The following ZFAND2B variants were observed in gnomAD, a reference collection of about 807,000 sequenced individuals.
The protein encoded by ZFAND2B is zinc finger AN1-type containing 2B, also known as AN1-type zinc finger protein 2B.
ZFAND2B carries 27 observed loss-of-function variants against 38.2 expected under a neutral mutation model. The observed-to-expected ratio is 0.71, with a 90% CI of 0.52 to 0.97. The LOEUF (loss-of-function observed/expected upper bound fraction) is 0.97, where lower values mean the gene tolerates loss of function less well. Ranked by LOEUF, ZFAND2B falls within the 50% of genes least tolerant of loss-of-function variation. The pLI, the probability that ZFAND2B is intolerant of heterozygous loss-of-function variation, is 0.00. For missense variants in ZFAND2B, 303 were observed against 331.5 expected, an observed-to-expected ratio of 0.91 and a Z score of 0.67; for synonymous variants, 111 against 119.4, an observed-to-expected ratio of 0.93 and a Z score of 0.46.
rs775899456 is a variant in ZFAND2B at position 219,207,959 on chromosome 2, A to T, written c.355A>T (p.Ser119Cys). ...EMMKLTCERC[S>C]RNFCIKHRHP... ...GATGAAACTGACCTGTGAACGCTGT[A>T]GCCGAAACTTCTGCATCAAGCACCG... Residue 119 changes from serine (S) to cysteine (C), a missense_variant, in exon 4 of 9, where the codon AGC becomes TGC. Transcript: ENST00000289528. 81 of 1,614,062 alleles carry T rather than the reference A, an allele frequency of 5.0e-5. No individual in the cohort carries two copies. The Middle Eastern group carries it at 8.2e-4, about 16-fold the overall frequency.
chr2:219,206,867 A>G lies in ZFAND2B; in HGVS notation c.-121A>G. 1 of 1,067,904 alleles carries G rather than the reference A, an allele frequency of 9.4e-7. No homozygotes were observed. Among genetic ancestry groups the G allele is most frequent in the Non-Finnish European group, 1.3e-6 (1 of 758,314 alleles). 66.2% of individuals were successfully genotyped at this position (1,067,904 alleles called of 1,614,324 possible). A position where few individuals can be genotyped will look rare whatever the true frequency, so the allele number is the denominator to read the frequency against. ...TCCGGTAACCCGGGCTGGGCGGGGG[A>G]GAGGAAGGGGCGGGGCAGGGAGCCC... On this transcript the variant is annotated 5_prime_UTR_variant, in exon 1 of 9. Transcript: ENST00000289528.
intron 7 of ZFAND2B, 152 bp from the exon 8 acceptor site, chr2:219,208,824 CG>C: frequency 1.9e-6 from 2 of 1,030,972 alleles, no homozygotes; most frequent in East Asian, 2.4e-5. Flanking sequence ...CTCTATAAAA[CG>C]GGGACAATAC....
chr2:219,206,986 C>T lies in ZFAND2B; in HGVS notation c.-2C>T, dbSNP rs929292028. 1.2e-6 allele frequency: 2 copies of T among 1,612,192 alleles called. No individual in the cohort carries two copies. Among genetic ancestry groups the T allele is most frequent in the East Asian group, 2.2e-5 (1 of 44,776 alleles). Reference sequence around the variant, plus strand: ...TCCTAGCAGACCCTGCCCGGCTTGGCGATGGAGTTTCCGGACCTCGGCGCT... The same window carrying T: ...TCCTAGCAGACCCTGCCCGGCTTGGTGATGGAGTTTCCGGACCTCGGCGCT... On this transcript the variant is annotated 5_prime_UTR_variant, in exon 1 of 9. Transcript: ENST00000289528.
chr2:219,206,812 C>A lies in ZFAND2B; in HGVS notation c.-176C>A, dbSNP rs1206802328. 1.7e-5 allele frequency: 10 copies of A among 582,964 alleles called. No homozygotes were observed. The South Asian group carries it at 1.8e-4, about 11-fold the overall frequency. 36.1% of individuals were successfully genotyped at this position (582,964 alleles called of 1,614,324 possible). On this transcript the variant is annotated 5_prime_UTR_variant, in exon 1 of 9. Transcript: ENST00000289528. ...CGCGCCGCGCGCGCCGAGGGAGGAG[C>A]GGGCGCCGGGGGCCGGCTGGCGCGG...
intron 6 of ZFAND2B, 21 bp from the exon 7 acceptor site, chr2:219,208,551 G>A (rs369471994): frequency 7.4e-6 from 12 of 1,614,118 alleles, no homozygotes; most frequent in South Asian, 1.1e-5. Context: ...AAGGACGCTG[G>A]TCTTCTTTCT....
In ZFAND2B at chr2:219,208,293, A is replaced by G. The variant is rs749944029; in HGVS notation, c.472A>G (p.Thr158Ala). ...AISRAQAVASTSTVPSPSQTM... is the reference protein window; with the variant it reads ...AISRAQAVASASTVPSPSQTM... Reference sequence around the variant, plus strand: ...CTCCAGAGCACAAGCTGTGGCTTCTACAAGCACTGTCCCCAGCCCAAGTCA... The same window carrying G: ...CTCCAGAGCACAAGCTGTGGCTTCTGCAAGCACTGTCCCCAGCCCAAGTCA... Residue 158 changes from threonine to alanine, a missense_variant, in exon 5 of 9, where the codon ACA becomes GCA. Coordinates refer to ENST00000289528, the MANE Select transcript of ZFAND2B (RefSeq NM_138802.3). 1.9e-6 allele frequency: 3 copies of G among 1,614,058 alleles called. No homozygotes were observed. In the Admixed American group the frequency reaches 5.0e-5, roughly 27 times the overall value.
In ZFAND2B at chr2:219,207,024, C is replaced by T. The variant is rs906426570; in HGVS notation, c.37C>T (p.Pro13Ser). Residue 13 changes from proline to serine, a missense_variant, in exon 1 of 9, where the codon CCG becomes TCG. Coordinates refer to ENST00000289528, the MANE Select transcript of ZFAND2B (RefSeq NM_138802.3). ...GGACCTCGGCGCTCACTGTTCGGAG[C>T]CGAGCTGTCAGCGCTTGGGTGAGGG... ...FPDLGAHCSE[P>S]SCQRLDFLPL... 9.9e-6 allele frequency: 16 copies of T among 1,610,036 alleles called. No individual in the cohort carries two copies. Among genetic ancestry groups the T allele is most frequent in the Non-Finnish European group, 1.4e-5 (16 of 1,178,588 alleles).
Position 219,209,409 on chromosome 2 carries a change from A to T in ZFAND2B, c.*103A>T. 1 of 1,413,678 alleles carries T rather than the reference A, an allele frequency of 7.1e-7. No homozygotes were observed. Among genetic ancestry groups the T allele is most frequent in the Admixed American group, 2.0e-5 (1 of 51,110 alleles). The allele number at this position is 1,413,678 out of a possible 1,614,324, so 87.6% of individuals were successfully genotyped here. On this transcript the variant is annotated 3_prime_UTR_variant, in exon 9 of 9. Coordinates refer to ENST00000289528, the MANE Select transcript of ZFAND2B (RefSeq NM_138802.3). ...GCCCGGAGCACCCTGGAGGGCAGAG[A>T]CAAGCGGGAGTGATGTGGAGGTCGC...
rs765757991 is a variant in ZFAND2B at position 219,208,388 on chromosome 2, C to T, written c.528-38C>T. 15 of 1,614,076 alleles carry T rather than the reference C, an allele frequency of 9.3e-6. No individual in the cohort carries two copies. In the African/African-American group the frequency reaches 1.5e-4, roughly 16 times the overall value. On this transcript the variant is annotated intron_variant, in intron 5 of 8. Coordinates refer to ENST00000289528, the MANE Select transcript of ZFAND2B (RefSeq NM_138802.3). ...TTCCCTGCTCCCCCTTTTTCCCCTTCACACCTCTGACCTCCACCTCTTCAA... is the reference window on the plus strand; with the variant it reads ...TTCCCTGCTCCCCCTTTTTCCCCTTTACACCTCTGACCTCCACCTCTTCAA...
Position 219,209,273 on chromosome 2 carries a change from C to T in ZFAND2B, c.741C>T (p.Arg247=). The stretch of plus-strand genomic sequence containing the variant: ...TCTCTTTGCTCTAGGCCCAGAGCCG[C>T]AGCTCGAAGCCGTCCAACTGCAGCC... ...AEYQRQQAQS[R]SSKPSNCSLC Residue 247 remains arginine, a synonymous_variant, in exon 9 of 9, where the codon CGC becomes CGT. Transcript: ENST00000289528. The T allele has an allele frequency of 6.2e-7, 1 of 1,609,954 alleles. No homozygotes were observed. The highest frequency in any genetic ancestry group is 8.5e-7 in the Non-Finnish European group (1 of 1,178,566).
chr2:219,207,058 C>T lies in ZFAND2B; in HGVS notation c.55+16C>T, dbSNP rs758790109. ...CAGCGCTTGGGTGAGGGGCGGAGCG[C>T]GCGGGGGGCGGGGCCCAGCGGACAG... On this transcript the variant is annotated intron_variant, in intron 1 of 8. Coordinates refer to ENST00000289528, the MANE Select transcript of ZFAND2B (RefSeq NM_138802.3). The T allele has an allele frequency of 2.0e-6, 3 of 1,513,184 alleles. No homozygotes were observed. Among genetic ancestry groups the T allele is most frequent in the African/African-American group, 2.9e-5 (2 of 67,812 alleles). The allele number at this position is 1,513,184 out of a possible 1,614,324, so 93.7% of individuals were successfully genotyped here.
rs141322165 is a variant in ZFAND2B at position 219,207,901 on chromosome 2, G to A, written c.297G>A (p.Lys99=). ...AQQKRKIFTN[K]CERAGCRQRE... is the part of the protein sequence containing the mutation. ...CTTCACCTCAGATCTTCACCAATAA[G>A]TGTGAACGCGCTGGCTGCCGGCAGC... Residue 99 remains lysine (K), a synonymous_variant, in exon 4 of 9, where the codon AAG becomes AAA. Coordinates refer to ENST00000289528, the MANE Select transcript of ZFAND2B (RefSeq NM_138802.3). The A allele has an allele frequency of 4.2e-5, 68 of 1,614,046 alleles. No individual in the cohort carries two copies. The African/African-American group carries it at 8.1e-4, about 19-fold the overall frequency.
In ZFAND2B at chr2:219,207,640, G is replaced by C; in HGVS notation, c.151-8G>C. ...GGCCACAGACTGACCCTTGCTCCTT[G>C]ACTACAGGATATCCAGGTACCTGTG... is the stretch of plus-strand genomic sequence containing the variant. On this transcript the variant is annotated splice_polypyrimidine_tract_variant and splice_region_variant and intron_variant, in intron 2 of 8. Coordinates refer to ENST00000289528, the MANE Select transcript of ZFAND2B (RefSeq NM_138802.3). The C allele has an allele frequency of 6.2e-7, 1 of 1,614,100 alleles. No homozygotes were observed. Among genetic ancestry groups the C allele is most frequent in the Non-Finnish European group, 8.5e-7 (1 of 1,179,976 alleles).
chr2:219,207,618 C>T (rs1950506778), intron 2 of ZFAND2B, 30 bp from the exon 3 acceptor site: 3 of 1,612,300 alleles, frequency 1.9e-6, no homozygotes. Flanking sequence ...TGGAGTGGGC[C>T]ACAGACTGAC....
intron 1 of ZFAND2B, 119 bp downstream of exon 1, chr2:219,207,161 G>C (rs1020824514): frequency 3.2e-6 from 4 of 1,257,330 alleles, no homozygotes; most frequent in African/African-American, 3.0e-5. Context: ...TGAAGCTGGG[G>C]GGGGGTGGTC....
rs1253592904 is a variant in ZFAND2B at position 219,208,238 on chromosome 2, A to T, written c.435-18A>T. ...GGCTAGTTCTTGGAGACATGCCAAA[A>T]ATCTCTCTTCCCTACAGACTTGCTG... is the stretch of plus-strand genomic sequence containing the variant. On this transcript the variant is annotated intron_variant, in intron 4 of 8. Transcript: ENST00000289528. 2 of 1,613,874 alleles carry T rather than the reference A, an allele frequency of 1.2e-6. No homozygotes were observed. Among genetic ancestry groups the T allele is most frequent in the South Asian group, 2.2e-5 (2 of 91,050 alleles).
At position 219,206,819 on chromosome 2, in the gene ZFAND2B, CG is replaced by C; in HGVS notation, c.-164del. 12 of 652,442 alleles carry C rather than the reference CG, an allele frequency of 1.8e-5. No homozygotes were observed. The highest frequency in any genetic ancestry group is 1.0e-4 in the South Asian group (3 of 29,048). The allele number at this position is 652,442 out of a possible 1,614,324, so 40.4% of individuals were successfully genotyped here. ...CGCGCGCCGAGGGAGGAGCGGGCGC[CG>C]GGGGCCGGCTGGCGCGGGGGCTCCG... is the stretch of plus-strand genomic sequence containing the variant. On this transcript the variant is annotated 5_prime_UTR_variant, in exon 1 of 9. Coordinates refer to ENST00000289528, the MANE Select transcript of ZFAND2B (RefSeq NM_138802.3).
At chr2:219,209,217 G>T in intron 8 of ZFAND2B, 45 bp from the exon 9 acceptor site, 1 of 1,584,134 alleles carries the variant, frequency 6.3e-7, no homozygotes, top group South Asian at 1.1e-5. Flanking sequence ...TCATTTCCTT[G>T]ACGTTGCACT....
At position 219,207,348 on chromosome 2, in the gene ZFAND2B, A is replaced by T; in HGVS notation, c.77A>T (p.Asp26Val). Reference protein sequence around the residue: ...QRLDFLPLKCDACSGIFCADH... With the variant: ...QRLDFLPLKCVACSGIFCADH... ...GCAGATTTTCTGCCGCTTAAGTGTGATGCCTGCTCAGGCATCTTCTGCGCA... is the reference window on the plus strand; with the variant it reads ...GCAGATTTTCTGCCGCTTAAGTGTGTTGCCTGCTCAGGCATCTTCTGCGCA... The change falls in exon 2 of 9, where the codon GAT (aspartate) becomes GTT (valine). Residue 26 changes from aspartate to valine, a missense_variant. Asp to Val is a radical substitution (Grantham distance 152). Coordinates refer to ENST00000289528, the MANE Select transcript of ZFAND2B (RefSeq NM_138802.3). The T allele has an allele frequency of 6.2e-7, 1 of 1,613,940 alleles. No individual in the cohort carries two copies. The highest frequency in any genetic ancestry group is 8.5e-7 in the Non-Finnish European group (1 of 1,179,830).
Sources: gnomAD v4.1 joint callset for allele counts on GRCh38, gnomAD v4.1.1 for gene constraint, MANE v1.5 for transcripts, NCBI Gene and HGNC (gene_info 2026-07-23, HGNC 2026-07-21) for gene names.